Variants in NLE1 observed in about 807,000 individuals in gnomAD.
NLE1 encodes the protein notchless protein homolog 1.
NLE1 carries 37 observed loss-of-function variants against 62.8 expected under a neutral mutation model. That is an observed-to-expected ratio of 0.59 (90% CI 0.45 to 0.78). NLE1 has a LOEUF of 0.78. NLE1 is among the 30% of genes least tolerant of loss of function. The pLI is 0.00. For missense variants in NLE1, 555 were observed against 637.9 expected, an observed-to-expected ratio of 0.87 and a Z score of 1.40; for synonymous variants, 243 against 253.0, an observed-to-expected ratio of 0.96 and a Z score of 0.37.
At chr17:35,136,269 A>G in intron 8 of NLE1, 54 bp from the exon 9 acceptor site, 1 of 1,613,302 alleles carries the variant, frequency 6.2e-7, no homozygotes, top group Non-Finnish European at 8.5e-7. Flanking sequence ...GGCCGATAAG[A>G]AAATCCAACA....
In NLE1 at chr17:35,131,043, T is replaced by C. The variant is rs982368440; in HGVS notation, c.*1394A>G. On this transcript the variant is annotated 3_prime_UTR_variant, in exon 13 of 13. Coordinates refer to ENST00000442241, the MANE Select transcript of NLE1 (RefSeq NM_018096.5). ...ATGTGGTACAAAGTGCACAATAAGC[T>C]TTGGGGCAGGGCCTGGTTTAATCCC... 2 of 152,454 alleles carry C rather than the reference T, an allele frequency of 1.3e-5. No homozygotes were observed. Among genetic ancestry groups the C allele is most frequent in the Non-Finnish European group, 2.9e-5 (2 of 68,256 alleles). 9.4% of individuals were successfully genotyped at this position (152,454 alleles called of 1,614,324 possible).
Position 35,129,366 on chromosome 17 carries a change from G to C in NLE1, c.*3071C>G. On this transcript the variant is annotated 3_prime_UTR_variant, in exon 13 of 13. Transcript: ENST00000442241. ...TCCTGACCCCAGTTGGGAGGGTGAA[G>C]GGACAGGAAGGACAGGACATATCTG... is the stretch of plus-strand genomic sequence containing the variant. 1 of 1,581,698 alleles carries C rather than the reference G, an allele frequency of 6.3e-7. No individual in the cohort carries two copies. Among genetic ancestry groups the C allele is most frequent in the Non-Finnish European group, 8.6e-7 (1 of 1,161,230 alleles).
rs1411464938 is a variant in NLE1, at chr17:35,129,848, G to A, written c.*2589C>T. 3.5e-6 allele frequency: 5 copies of A among 1,425,876 alleles called. No homozygotes were observed. The African/African-American group carries it at 7.2e-5, about 21-fold the overall frequency. 88.3% of individuals were successfully genotyped at this position (1,425,876 alleles called of 1,614,324 possible). On this transcript the variant is annotated 3_prime_UTR_variant, in exon 13 of 13. Coordinates refer to ENST00000442241, the MANE Select transcript of NLE1 (RefSeq NM_018096.5). ...GGTTTAAGGATTAAGCCACTCTGGG[G>A]CCCACTAGGAATGCAAACGAATGTA...
chr17:35,137,860 C>G lies in NLE1; in HGVS notation c.491G>C (p.Trp164Ser). 1 of 1,613,530 alleles carries G rather than the reference C, an allele frequency of 6.2e-7. No individual in the cohort carries two copies. ...GGCCAGCTTCCTGCCATCTGGAGAC[C>G]AGGATATACTAAGGACCCAGTGTCT... ...GHRHWVLSISWSPDGRKLASG... is the reference protein window; with the variant it reads ...GHRHWVLSISSSPDGRKLASG... The change falls in exon 5 of 13, where the codon TGG becomes TCG. Residue 164 changes from tryptophan to serine, a missense_variant. Transcript: ENST00000442241.
intron 2 of NLE1, among the ~76,000 whole-genome samples, chr17:35,141,768 G>T (rs747034130): frequency 5.9e-5 from 9 of 152,204 alleles, no homozygotes; most frequent in Non-Finnish European, 7.3e-5. Flanking sequence ...TGCGTTCAAA[G>T]CTAGGCCCCT....
chr17:35,138,920 C>A (rs1183972436), intron 4 of NLE1, among the ~76,000 whole-genome samples: 1 of 152,070 alleles, frequency 6.6e-6, no homozygotes, highest in Non-Finnish European at 1.5e-5. Flanking sequence ...GTCTAAGTGG[C>A]TGGCTGGGCT....
Position 35,132,277 on chromosome 17 carries a change from C to T in NLE1, c.*160G>A. The T allele has an allele frequency of 1.9e-6, 1 of 513,144 alleles. No homozygotes were observed. The highest frequency in any genetic ancestry group is 3.1e-6 in the Non-Finnish European group (1 of 318,118). 31.8% of individuals were successfully genotyped at this position (513,144 alleles called of 1,614,324 possible). On this transcript the variant is annotated 3_prime_UTR_variant, in exon 13 of 13. Transcript: ENST00000442241. ...CCACAGGCGGGGATCTGTGGGAAAA[C>T]CCCATTCCGGTCTATCGAGGACAGC...
intron 12 of NLE1, 152 bp downstream of exon 12, chr17:35,133,019 C>T (rs369928904): frequency 8.0e-6 from 6 of 748,706 alleles, no homozygotes; most frequent in East Asian, 5.3e-5. Flanking sequence ...CTCCCACTTG[C>T]CCACTGAGAA....
Position 35,132,384 on chromosome 17 carries a change from G to A in NLE1, c.*53C>T, listed in dbSNP as rs1247594496. On this transcript the variant is annotated 3_prime_UTR_variant, in exon 13 of 13. Coordinates refer to ENST00000442241, the MANE Select transcript of NLE1 (RefSeq NM_018096.5). ...CAGCCTTTGTTCTCTGGCAGGGAAG[G>A]CAGCTGGCAGAGGCCGAGTCGAGGT... The A allele has an allele frequency of 1.4e-6, 2 of 1,427,866 alleles. No individual in the cohort carries two copies. Among genetic ancestry groups the A allele is most frequent in the Non-Finnish European group, 1.8e-6 (2 of 1,082,108 alleles). The allele number at this position is 1,427,866 out of a possible 1,614,324, so 88.4% of individuals were successfully genotyped here.
At chr17:35,134,183 G>T (rs1014111779) in intron 10 of NLE1, among the ~76,000 whole-genome samples, 1 of 152,146 alleles carries the variant, frequency 6.6e-6, no homozygotes, top group Admixed American at 6.6e-5. Context: ...TTAAAATGAA[G>T]AATCAGATCC....
In NLE1 at chr17:35,136,430, T is replaced by C. The variant is rs770197348; in HGVS notation, c.896A>G (p.Tyr299Cys). 12 of 1,614,152 alleles carry C rather than the reference T, an allele frequency of 7.4e-6. No homozygotes were observed. The highest frequency in any genetic ancestry group is 2.2e-5 in the East Asian group (1 of 44,886). Residue 299 changes from tyrosine (Y) to cysteine (C), a missense_variant, in exon 8 of 13, where the codon TAT becomes TGT. Tyr to Cys is a radical substitution (Grantham distance 194). Coordinates refer to ENST00000442241, the MANE Select transcript of NLE1 (RefSeq NM_018096.5). ...TTCAAAGGCCCCAGTGCGCAGGGCA[T>C]AGTCAGTGCTGAGGGCCATGGTGTT... ...WVNTMALSTD[Y>C]ALRTGAFEPA...
Position 35,129,581 on chromosome 17 carries a change from A to G in NLE1, c.*2856T>C. 1.2e-6 allele frequency: 2 copies of G among 1,614,202 alleles called. No homozygotes were observed. Among genetic ancestry groups the G allele is most frequent in the South Asian group, 2.2e-5 (2 of 91,084 alleles). On this transcript the variant is annotated 3_prime_UTR_variant, in exon 13 of 13. Transcript: ENST00000442241. ...CACTACTGTCAAGCTGATGGAGCTA[A>G]AGCCTAACACGTGTTACTGCCTCAG...
intron 7 of NLE1, among the ~76,000 whole-genome samples, chr17:35,136,745 G>A (rs970631618): frequency 1.3e-5 from 2 of 152,150 alleles, no homozygotes; most frequent in Non-Finnish European, 2.9e-5. Context: ...TTGGGATATG[G>A]TAGATCTGAT....
intron 6 of NLE1, 82 bp from the exon 7 acceptor site, chr17:35,137,275 G>C: frequency 2.3e-5 from 30 of 1,300,990 alleles, no homozygotes; most frequent in Non-Finnish European, 3.2e-5. Flanking sequence ...CCAACTTAAA[G>C]GCCATGGACA....
rs1253243509 is a variant in NLE1 at position 35,140,060 on chromosome 17, G to A, written c.169C>T (p.Pro57Ser). The A allele has an allele frequency of 3.7e-6, 6 of 1,613,074 alleles. No homozygotes were observed. In the South Asian group the frequency reaches 5.5e-5, roughly 15 times the overall value. Residue 57 changes from proline to serine, a missense_variant, in exon 3 of 13, where the codon CCC becomes TCC. Coordinates refer to ENST00000442241, the MANE Select transcript of NLE1 (RefSeq NM_018096.5). Reference protein sequence around the residue: ...VCNALLAQEDPLPLAFFVHDA... With the variant: ...VCNALLAQEDSLPLAFFVHDA... The stretch of plus-strand genomic sequence containing the variant: ...TGGACAAAGAAAGCCAGTGGCAGGG[G>A]ATCCTCCTGAAGGACAATGGTAAAG...
intron 4 of NLE1, among the ~76,000 whole-genome samples, chr17:35,138,487 A>AGGAGTTTCATTGTCTCTGG (rs1460317863): frequency 7.2e-5 from 11 of 151,940 alleles, no homozygotes; most frequent in Non-Finnish European, 1.6e-4. Context: ...TCCATCACCC[A>AGGAGTTTCATTGTCTCTGG]GGCTGGAGTG....
rs1311558015 is a variant in NLE1, at chr17:35,139,303, C to T, written c.392G>A (p.Ser131Asn). ...AFSPTGKYLA[S>N]GSGDTTVRFW... ...GCGCACGGTGGTGTCTCCAGAGCCA[C>T]TGGCCAGGTACCTGGGGAAGAAGAG... The change falls in exon 4 of 13, where the codon AGT (serine) becomes AAT (asparagine). Residue 131 changes from serine (S) to asparagine (N), a missense_variant. Ser to Asn is a conservative substitution (Grantham distance 46). Transcript: ENST00000442241. The T allele has an allele frequency of 6.2e-7, 1 of 1,613,946 alleles. No homozygotes were observed. Among genetic ancestry groups the T allele is most frequent in the South Asian group, 1.1e-5 (1 of 91,068 alleles).
intron 12 of NLE1, 123 bp from the exon 13 acceptor site, chr17:35,132,572 T>C (rs944668145): frequency 1.2e-6 from 1 of 847,472 alleles, no homozygotes; most frequent in East Asian, 3.4e-5. Context: ...AAGAGCCAGG[T>C]GACCGTCCCT....
Position 35,130,339 on chromosome 17 carries a change from A to G in NLE1, c.*2098T>C, listed in dbSNP as rs531208768. On this transcript the variant is annotated 3_prime_UTR_variant, in exon 13 of 13. Coordinates refer to ENST00000442241, the MANE Select transcript of NLE1 (RefSeq NM_018096.5). ...TCCTGAGAACTACCCCATCCAGATCACCGTGCGGCGCAAGGAACCCCGGCA... is the reference window on the plus strand; with the variant it reads ...TCCTGAGAACTACCCCATCCAGATCGCCGTGCGGCGCAAGGAACCCCGGCA... 15 of 1,613,954 alleles carry G rather than the reference A, an allele frequency of 9.3e-6. No homozygotes were observed. In the African/African-American group the frequency reaches 1.5e-4, roughly 16 times the overall value.
Sources: gnomAD v4.1 joint callset for allele counts (sites outside exome capture counted in the v4.1 genomes callset) on GRCh38, gnomAD v4.1.1 for gene constraint, MANE v1.5 for transcripts, NCBI Gene and HGNC (gene_info 2026-07-23, HGNC 2026-07-21) for gene names.